Variants in SRFBP1 observed in about 807,000 individuals in gnomAD.
The protein encoded by SRFBP1 is serum response factor-binding protein 1.
A neutral mutation model predicts 45.5 loss-of-function variants in SRFBP1; 47 were observed. The observed-to-expected ratio is 1.03, with a 90% confidence interval of 0.82 to 1.32. SRFBP1 has a LOEUF of 1.32. Among genes scored for constraint, SRFBP1 ranks in the 40% most tolerant of loss-of-function variants. The pLI, the probability that SRFBP1 is intolerant of heterozygous loss-of-function variation, is 0.00. For missense variants in SRFBP1, 621 were observed against 484.6 expected (o/e 1.28, Z -2.64); for synonymous variants, 203 against 166.3 (o/e 1.22, Z -1.70).
intron 7 of SRFBP1, among the ~76,000 whole-genome samples, chr5:122,024,538 T>C (rs1193555519): frequency 6.6e-6 from 1 of 152,202 alleles, no homozygotes; most frequent in Non-Finnish European, 1.5e-5. Context: ...GATAGAAAAG[T>C]AATGGAAGAT....
chr5:121,972,452 G>T (rs1363738472), intron 1 of SRFBP1, among the ~76,000 whole-genome samples: 1 of 151,820 alleles, frequency 6.6e-6, no homozygotes, highest in Non-Finnish European at 1.5e-5. Context: ...GAAAAATACA[G>T]GATGGCTAGG....
intron 4 of SRFBP1, among the ~76,000 whole-genome samples, chr5:121,997,184 C>CA (rs1561585112): frequency 6.8e-6 from 1 of 147,734 alleles, no homozygotes; most frequent in African/African-American, 2.5e-5. Flanking sequence ...CATATGGAAC[C>CA]AAAAAAGAGC....
downstream of SRFBP1, chr5:122,076,807 G>A: frequency 4.3e-6 from 5 of 1,167,234 alleles, no homozygotes; most frequent in Non-Finnish European, 6.3e-6. Context: ...ACTTGTCTGC[G>A]CGAAGCAGTA....
chr5:122,075,824 T>TA (rs1754609495), downstream of SRFBP1, among the ~76,000 whole-genome samples: 1 of 152,124 alleles, frequency 6.6e-6, no homozygotes, highest in South Asian at 2.1e-4. Flanking sequence ...TAATAAGCAT[T>TA]AAAAATCTAA....
chr5:122,047,307 G>C (rs1023258370), intron 2 of SRFBP1, among the ~76,000 whole-genome samples: 8 of 151,898 alleles, frequency 5.3e-5, no homozygotes, highest in South Asian at 4.2e-4. Flanking sequence ...ATAGGGAATC[G>C]TTTCCCCATT....
chr5:122,012,929 G>A (rs1291797366), intron 4 of SRFBP1, among the ~76,000 whole-genome samples: 1 of 152,046 alleles, frequency 6.6e-6, no homozygotes, highest in Non-Finnish European at 1.5e-5. Context: ...AAAAGTTAGA[G>A]GTTTAAATTT....
chr5:122,056,571 G>A (rs1754081444), intron 2 of SRFBP1, among the ~76,000 whole-genome samples: 1 of 152,082 alleles, frequency 6.6e-6, no homozygotes, highest in African/African-American at 2.4e-5. Flanking sequence ...TTTTGAACCT[G>A]GAGCTATTTA....
chr5:122,071,330 G>T (rs1754446293), intron 2 of SRFBP1, among the ~76,000 whole-genome samples: 1 of 152,050 alleles, frequency 6.6e-6, no homozygotes, highest in South Asian at 2.1e-4. Flanking sequence ...ATCCAGCCTA[G>T]TAAGTGGCTA....
At chr5:122,039,752 A>T (rs1753744945) in intron 2 of SRFBP1, among the ~76,000 whole-genome samples, 1 of 152,264 alleles carries the variant, frequency 6.6e-6, no homozygotes, top group South Asian at 2.1e-4. Flanking sequence ...ATGAATGAGT[A>T]TTGAAGTGAC....
intron 2 of SRFBP1, chr5:122,064,208 G>C (rs1056642015): frequency 1.3e-4 from 20 of 151,858 alleles, no homozygotes; most frequent in African/African-American, 4.1e-4. Flanking sequence ...TGTATTTAGA[G>C]TTTGGTAAGA....
At chr5:122,034,622 A>G (rs1400064109) in intron 2 of SRFBP1, among the ~76,000 whole-genome samples, 2 of 152,154 alleles carry the variant, frequency 1.3e-5, no homozygotes, top group Non-Finnish European at 2.9e-5. Context: ...CACAAAACAA[A>G]TAGCATTATC....
At chr5:121,992,492 A>G (rs1752639128) in intron 3 of SRFBP1, among the ~76,000 whole-genome samples, 1 of 152,008 alleles carries the variant, frequency 6.6e-6, no homozygotes, top group Non-Finnish European at 1.5e-5. Flanking sequence ...TTACCTGGAT[A>G]ATCCAGGATA....
At chr5:121,998,029 A>G (rs1435816218) in intron 4 of SRFBP1, among the ~76,000 whole-genome samples, 1 of 152,026 alleles carries the variant, frequency 6.6e-6, no homozygotes, top group Non-Finnish European at 1.5e-5. Flanking sequence ...GGTGCTGGAG[A>G]GGATGTGGAG....
chr5:121,986,252 A>G (rs189815021), intron 3 of SRFBP1, among the ~76,000 whole-genome samples: 2 of 152,132 alleles, frequency 1.3e-5, no homozygotes, highest in East Asian at 1.9e-4. Context: ...GAAGGGGACA[A>G]TGCTGCTGAT....
At chr5:122,016,327 G>C (rs1275577068) in intron 4 of SRFBP1, among the ~76,000 whole-genome samples, 3 of 152,110 alleles carry the variant, frequency 2.0e-5, no homozygotes, top group Non-Finnish European at 4.4e-5. Context: ...AATGTACAAG[G>C]ATGTAAATTT....
chr5:122,065,057 G>C (rs1249599043), intron 2 of SRFBP1: 2 of 152,018 alleles, frequency 1.3e-5, no homozygotes, highest in Non-Finnish European at 2.9e-5. Context: ...TTAAGGCAAA[G>C]AGGTACATCA....
At chr5:121,969,446 A>G (rs7719991) in intron 1 of SRFBP1, among the ~76,000 whole-genome samples, 6,346 of 149,798 alleles carry the variant, frequency 0.042, 150 homozygotes, top group African/African-American at 0.052. Context: ...GACACTGCCA[A>G]CTTTTGCCTC....
chr5:122,019,310 T>C lies in SRFBP1; in HGVS notation c.321T>C (p.Pro107=), dbSNP rs1447143874. ...ERAIARLAVH[P]LLKKKIDVLK... ...CAATTGCCAGACTAGCAGTACATCC[T>C]CTTCTGAAGAAAAAGATAGATGTGC... The change falls in exon 5 of 8, where the codon CCT becomes CCC. Residue 107 remains proline (P), a synonymous_variant. Coordinates refer to ENST00000339397, the MANE Select transcript of SRFBP1 (RefSeq NM_152546.3). The C allele has an allele frequency of 1.2e-6, 2 of 1,612,494 alleles. No individual in the cohort carries two copies. The highest frequency in any genetic ancestry group is 3.3e-5 in the Admixed American group (2 of 59,874).
intron 6 of SRFBP1, among the ~76,000 whole-genome samples, chr5:122,022,034 TC>T (rs1753336842): frequency 6.6e-6 from 1 of 152,056 alleles, no homozygotes; most frequent in African/African-American, 2.4e-5. Flanking sequence ...GAGTCATTCT[TC>T]CTGTGAAAAG....
Sources: gnomAD v4.1 joint callset for allele counts (sites outside exome capture counted in the v4.1 genomes callset) on GRCh38, gnomAD v4.1.1 for gene constraint, MANE v1.5 for transcripts, NCBI Gene and HGNC (gene_info 2026-07-23, HGNC 2026-07-21) for gene names.